The following CENPV variants were observed in gnomAD, a reference collection of about 807,000 sequenced individuals.
CENPV encodes the protein centromere protein V, also known as nuclear protein p30.
In CENPV, 15 loss-of-function variants were observed where a neutral mutation model predicts 26.4. That is an observed-to-expected ratio of 0.57 (90% confidence interval 0.38 to 0.88). The LOEUF (loss-of-function observed/expected upper bound fraction) is 0.88, where lower values mean the gene tolerates loss of function less well. Ranked by LOEUF, CENPV falls within the 40% of genes least tolerant of loss-of-function variation. The pLI, the probability that CENPV is intolerant of heterozygous loss-of-function variation, is 0.00. For missense variants in CENPV, 336 were observed against 376.5 expected (o/e 0.89, Z 0.89); for synonymous variants, 172 against 165.5 (o/e 1.04, Z -0.30).
At chr17:16,344,498 G>T (rs2142896547) in intron 4 of CENPV, 99 bp downstream of exon 4, 3 of 568,978 alleles carry the variant, frequency 5.3e-6, no homozygotes, top group East Asian at 6.3e-5. Context: ...ATGTGACAGG[G>T]TCTAGTCAGC....
At chr17:16,347,133 G>A (rs1307268407) in intron 3 of CENPV, among the ~76,000 whole-genome samples, 1 of 152,154 alleles carries the variant, frequency 6.6e-6, no homozygotes, top group Non-Finnish European at 1.5e-5. Flanking sequence ...CTACAGGCAT[G>A]AGCTACTGTG....
At chr17:16,349,480 C>A in intron 2 of CENPV, 1 of 986,704 alleles carries the variant, frequency 1.0e-6, no homozygotes, top group Non-Finnish European at 1.2e-6. Context: ...GTGCCATCTG[C>A]CTCAACCGAA....
intron 2 of CENPV, 167 bp from the exon 3 acceptor site, chr17:16,348,852 G>C: frequency 2.3e-6 from 3 of 1,330,664 alleles, no homozygotes; most frequent in Non-Finnish European, 3.0e-6. Context: ...CCTCTGGTTT[G>C]CAGGTACAGC....
chr17:16,348,728 T>A (rs765555443), intron 2 of CENPV, 43 bp from the exon 3 acceptor site: 2 of 1,611,642 alleles, frequency 1.2e-6, no homozygotes, highest in African/African-American at 2.7e-5. Flanking sequence ...AGCAGCCACC[T>A]GCATCCTCTA....
intron 3 of CENPV, among the ~76,000 whole-genome samples, chr17:16,347,081 G>A (rs2093210270): frequency 6.6e-6 from 1 of 151,986 alleles, no homozygotes; most frequent in Non-Finnish European, 1.5e-5. Flanking sequence ...GAACTCCTGG[G>A]CTCAAGTGAT....
intron 1 of CENPV, chr17:16,351,401 A>G (rs1672314477): frequency 6.6e-6 from 1 of 152,252 alleles, no homozygotes; most frequent in South Asian, 2.1e-4. Context: ...TATAGGAAAA[A>G]TAGCTCACTG....
intron 1 of CENPV, among the ~76,000 whole-genome samples, chr17:16,350,236 A>G (rs555226266): frequency 1.1e-4 from 17 of 152,268 alleles, no homozygotes; most frequent in African/African-American, 3.9e-4. Context: ...TCTTTTCACC[A>G]ATTTCTTAAA....
At chr17:16,345,593 TAA>T (rs1331713506) in intron 3 of CENPV, among the ~76,000 whole-genome samples, 1 of 152,036 alleles carries the variant, frequency 6.6e-6, no homozygotes, top group African/African-American at 2.4e-5. Flanking sequence ...CTCTTTGTAC[TAA>T]GAGGCCATTT....
intron 3 of CENPV, among the ~76,000 whole-genome samples, chr17:16,345,987 G>A (rs1415672573): frequency 1.3e-5 from 2 of 152,110 alleles, no homozygotes; most frequent in South Asian, 2.1e-4. Context: ...GGACATGAAC[G>A]GACAGTTCAG....
chr17:16,344,657 A>G lies in CENPV; in HGVS notation c.634T>C (p.Phe212Leu), dbSNP rs1164847676. The stretch of plus-strand genomic sequence containing the variant: ...CTCTGAACGCCACATCTCTTACAGA[A>G]GGTATGCTGGGCTTTGTGAGTATTG... ...TFNTHKAQHT[F>L]CKRCGVQSFY... The change falls in exon 4 of 5, where the codon TTC becomes CTC. Residue 212 changes from phenylalanine to leucine, a missense_variant. Around this residue, in one of 2 missense-constraint regions of CENPV, gnomAD observed 155 missense variants for 227.8 expected, o/e 0.68. Coordinates refer to ENST00000299736, the MANE Select transcript of CENPV (RefSeq NM_181716.3). The G allele has an allele frequency of 6.2e-7, 1 of 1,601,248 alleles. No individual in the cohort carries two copies.
chr17:16,346,726 G>A (rs1427816032), intron 3 of CENPV, among the ~76,000 whole-genome samples: 2 of 151,918 alleles, frequency 1.3e-5, no homozygotes, highest in African/African-American at 4.8e-5. Context: ...ACTCCAGCCT[G>A]GGCAACAGAG....
chr17:16,347,722 G>T (rs2093213244), intron 3 of CENPV: 1 of 152,168 alleles, frequency 6.6e-6, no homozygotes, highest in South Asian at 2.1e-4. Context: ...GATGGGGTAA[G>T]TAGACCAGGA....
chr17:16,349,845 T>G (rs1025996023), intron 2 of CENPV, 86 bp downstream of exon 2: 2 of 1,547,166 alleles, frequency 1.3e-6, no homozygotes, highest in African/African-American at 2.7e-5. Context: ...GTTTCCTCTG[T>G]ACCCCAACTC....
chr17:16,345,688 C>G (rs558756754), intron 3 of CENPV, among the ~76,000 whole-genome samples: 1 of 152,142 alleles, frequency 6.6e-6, no homozygotes, highest in African/African-American at 2.4e-5. Context: ...TGGAGCGTGA[C>G]AGCTCACAGC....
At chr17:16,342,973 C>T in intron 4 of CENPV, 32 bp from the exon 5 acceptor site, 2 of 1,613,786 alleles carry the variant, frequency 1.2e-6, no homozygotes, top group Admixed American at 1.7e-5. Flanking sequence ...AAAGGGGGAT[C>T]CTCAGTATGG....
intron 1 of CENPV, chr17:16,351,924 T>C (rs1362641211): frequency 6.6e-6 from 1 of 152,194 alleles, no homozygotes; most frequent in Non-Finnish European, 1.5e-5. Flanking sequence ...CTCAAATGTT[T>C]GATGGATGAA....
intron 2 of CENPV, chr17:16,348,921 C>G (rs2093218737): frequency 1.5e-6 from 2 of 1,314,834 alleles, no homozygotes; most frequent in East Asian, 3.2e-5. Flanking sequence ...GAACACAGGA[C>G]CAACAGACAG....
chr17:16,347,679 A>G (rs1205982357), intron 3 of CENPV: 1 of 140,950 alleles, frequency 7.1e-6, no homozygotes, highest in Non-Finnish European at 1.5e-5. Context: ...ATCAGAAAAA[A>G]ACGGGACTCA....
At chr17:16,349,836 T>C (rs539706111) in intron 2 of CENPV, 95 bp downstream of exon 2, 757 of 1,520,520 alleles carry the variant, frequency 5.0e-4, no homozygotes, top group Non-Finnish European at 6.2e-4. Context: ...AAGGCCAATG[T>C]TTCCTCTGTA....
Sources: allele counts gnomAD v4.1 joint callset (sites outside exome capture counted in the v4.1 genomes callset), GRCh38; gene constraint gnomAD v4.1.1; regional missense constraint gnomAD v4.1.1; transcripts MANE v1.5; gene names NCBI Gene and HGNC (gene_info 2026-07-23, HGNC 2026-07-21).